FAM83F: variants seen among roughly 807,000 people sequenced by gnomAD.
FAM83F encodes the protein scaffolding CK1 anchoring protein F.
In FAM83F, 45 loss-of-function variants were observed where a neutral mutation model predicts 42.9. The observed-to-expected ratio is 1.05, with a 90% CI of 0.83 to 1.35. FAM83F has a LOEUF of 1.35. Ranked by LOEUF, FAM83F falls within the 40% of genes most tolerant of loss-of-function variation. FAM83F has a pLI of 0.00. For missense variants in FAM83F, 617 were observed against 695.9 expected (o/e 0.89, Z 1.28); for synonymous variants, 306 against 298.3 (o/e 1.03, Z -0.27).
In FAM83F at chr22:40,023,369, C is replaced by G. The variant is rs755404; in HGVS notation, c.1453+1406C>G. Among the ~76,000 whole-genome samples the G allele has an allele frequency of 3.3e-4, 24 of 72,824 alleles. No homozygotes were observed. The highest frequency in any genetic ancestry group is 1.1e-3 in the African/African-American group (16 of 14,808). The allele number at this position is 72,824 out of a possible 152,430, so 47.8% of individuals were successfully genotyped here. On this transcript the variant is annotated intron_variant, in intron 4 of 4. Coordinates refer to ENST00000333407, the MANE Select transcript of FAM83F (RefSeq NM_138435.4). This position sits in a 1 kb window ranked among gnomAD's most constrained non-coding sequence, Gnocchi z 4.1. ...ACCAGCTGCTGCTGCTGCTGCTGCT[C>G]CTGCTCTGTACCTCTGGTTTGGAGG...
At position 40,021,391 on chromosome 22, in the gene FAM83F, T is replaced by C. The variant is rs772881620; in HGVS notation, c.881T>C (p.Ile294Thr). 3.3e-5 allele frequency: 53 copies of C among 1,613,444 alleles called. No homozygotes were observed. Among genetic ancestry groups the C allele is most frequent in the Non-Finnish European group, 4.2e-5 (50 of 1,179,640 alleles). ...FDTEFRELYA[I>T]SEEVDLYRQL... The stretch of plus-strand genomic sequence containing the variant: ...ACGGAGTTCCGGGAGCTGTACGCCA[T>C]CTCCGAGGAGGTGGACTTGTACCGG... Residue 294 changes from isoleucine (I) to threonine (T), a missense_variant, in exon 4 of 5, where the codon ATC becomes ACC. Physicochemically the swap from Ile to Thr is moderately conservative, Grantham distance 89. Coordinates refer to ENST00000333407, the MANE Select transcript of FAM83F (RefSeq NM_138435.4). This position sits in a 1 kb window ranked among gnomAD's most constrained non-coding sequence, Gnocchi z 8.7.
chr22:40,001,899 C>T (rs573035303), intron 1 of FAM83F, among the ~76,000 whole-genome samples: 21 of 152,266 alleles, frequency 1.4e-4, no homozygotes, highest in Admixed American at 2.6e-4. Context: ...GACCCTGTGC[C>T]GGCGTGTTTC....
chr22:40,020,051 T>C, intron 3 of FAM83F, 43 bp downstream of exon 3: 1 of 1,578,080 alleles, frequency 6.3e-7, no homozygotes, highest in Non-Finnish European at 8.6e-7. Flanking sequence ...AGGCCTTGAT[T>C]CCAGGTAGGT....
chr22:40,012,425 G>A (rs2067470520), intron 1 of FAM83F, among the ~76,000 whole-genome samples: 1 of 152,082 alleles, frequency 6.6e-6, no homozygotes, highest in Admixed American at 6.5e-5. Flanking sequence ...GTGAGCCACT[G>A]CACCCAGCCA....
At position 40,019,258 on chromosome 22, in the gene FAM83F, A is replaced by G. The variant is rs2067506981; in HGVS notation, c.580A>G (p.Ile194Val). The G allele has an allele frequency of 7.4e-6, 12 of 1,614,160 alleles. No homozygotes were observed. Among genetic ancestry groups the G allele is most frequent in the Non-Finnish European group, 9.3e-6 (11 of 1,180,020 alleles). The change falls in exon 2 of 5, where the codon ATC (isoleucine) becomes GTC (valine). Residue 194 changes from isoleucine to valine, a missense_variant. Coordinates refer to ENST00000333407, the MANE Select transcript of FAM83F (RefSeq NM_138435.4). ...CTGTAAGCGCCGGGTCCCAGTGTAC[A>G]TCATCCTGGACGAGGCAGGAGTGAA... ...AACKRRVPVYIILDEAGVKYF... is the reference protein window; with the variant it reads ...AACKRRVPVYVILDEAGVKYF...
Position 40,039,395 on chromosome 22 carries a change from C to T in FAM83F, c.*9830C>T, listed in dbSNP as rs1287561370. On this transcript the variant is annotated 3_prime_UTR_variant, in exon 5 of 5. Transcript: ENST00000333407. ...TGCTGGGAGGATTACAGGCATGAAC[C>T]ACTACGCCTGGCCTGGTATGTGGGT... 6.6e-6 allele frequency: 1 copy of T among 152,224 alleles called. No homozygotes were observed. Among genetic ancestry groups the T allele is most frequent in the Non-Finnish European group, 1.5e-5 (1 of 68,046 alleles). 9.4% of individuals were successfully genotyped at this position (152,224 alleles called of 1,614,324 possible). A position where few individuals can be genotyped will look rare whatever the true frequency, so the allele number is the denominator to read the frequency against.
intron 1 of FAM83F, 77 bp from the exon 2 acceptor site, chr22:40,019,091 G>T: frequency 6.4e-7 from 1 of 1,553,746 alleles, no homozygotes; most frequent in South Asian, 1.2e-5. Context: ...CCAGGGCGAG[G>T]TGGTACCATC....
rs1329857875 is a variant in FAM83F, at chr22:40,043,003, T to C, written c.*13438T>C. On this transcript the variant is annotated 3_prime_UTR_variant, in exon 5 of 5. Transcript: ENST00000333407. ...CGTTCTTACAACCTATATTAGAATT[T>C]GACGCACGATCTTTCTTCTGTCCTT... is the stretch of plus-strand genomic sequence containing the variant. The C allele has an allele frequency of 6.6e-6, 1 of 152,240 alleles. No individual in the cohort carries two copies. The highest frequency in any genetic ancestry group is 2.4e-5 in the African/African-American group (1 of 41,464). 9.4% of individuals were successfully genotyped at this position (152,240 alleles called of 1,614,324 possible). A position where few individuals can be genotyped will look rare whatever the true frequency, so the allele number is the denominator to read the frequency against.
intron 4 of FAM83F, among the ~76,000 whole-genome samples, chr22:40,028,891 G>A (rs1022886516): frequency 1.3e-5 from 2 of 152,224 alleles, no homozygotes; most frequent in African/African-American, 4.8e-5. Context: ...GGCCTGTGGC[G>A]GAAGGAGCTG....
At chr22:40,028,144 T>C (rs2067565277) in intron 4 of FAM83F, among the ~76,000 whole-genome samples, 1 of 152,206 alleles carries the variant, frequency 6.6e-6, no homozygotes, top group African/African-American at 2.4e-5. Flanking sequence ...CATGGAGCCC[T>C]TGGGGCGCAG....
rs1288305366 is a variant in FAM83F at position 40,021,435 on chromosome 22, AG to A, written c.928del (p.Val310LeufsTer31). On this transcript the variant is annotated frameshift_variant, in exon 4 of 5. Coordinates refer to ENST00000333407, the MANE Select transcript of FAM83F (RefSeq NM_138435.4). LOFTEE classifies it high-confidence loss of function. This position sits in a 1 kb window ranked among gnomAD's most constrained non-coding sequence, Gnocchi z 8.7. ...DLYRQLSLAGRVGLHYSSTVA... is the reference protein window; with the variant it reads ...DLYRQLSLAGXVGLHYSSTVA... The stretch of plus-strand genomic sequence containing the variant: ...GTACCGGCAGCTGAGCCTGGCGGGC[AG>A]GGTTGGCCTCCATTACTCCTCCACT... The A allele has an allele frequency of 6.2e-7, 1 of 1,613,440 alleles. No individual in the cohort carries two copies. Among genetic ancestry groups the A allele is most frequent in the South Asian group, 1.1e-5 (1 of 91,028 alleles).
chr22:39,997,546 G>A (rs1195822137), intron 1 of FAM83F, among the ~76,000 whole-genome samples: 1 of 152,170 alleles, frequency 6.6e-6, no homozygotes, highest in Non-Finnish European at 1.5e-5. Flanking sequence ...ACAAATGCTA[G>A]GGCTCTGCTG....
Position 40,029,682 on chromosome 22 carries a change from C to A in FAM83F, c.*117C>A. The A allele has an allele frequency of 6.9e-7, 1 of 1,441,824 alleles. No individual in the cohort carries two copies. Among genetic ancestry groups the A allele is most frequent in the Non-Finnish European group, 9.3e-7 (1 of 1,071,746 alleles). The allele number at this position is 1,441,824 out of a possible 1,614,324, so 89.3% of individuals were successfully genotyped here. ...ACATCAGACGCCAACTGGCCTTCTG[C>A]CCTGCAGCCTCCGTCCTGGCCTCAG... On this transcript the variant is annotated 3_prime_UTR_variant, in exon 5 of 5. Transcript: ENST00000333407.
chr22:39,999,463 A>G (rs2145706519), intron 1 of FAM83F, among the ~76,000 whole-genome samples: 1 of 152,358 alleles, frequency 6.6e-6, no homozygotes, highest in East Asian at 1.9e-4. Context: ...GCTCACACCC[A>G]GATGAACCAT....
Position 40,035,221 on chromosome 22 carries a change from T to C in FAM83F, c.*5656T>C, listed in dbSNP as rs1398506912. The C allele has an allele frequency of 2.3e-4, 35 of 152,202 alleles. No individual in the cohort carries two copies. The highest frequency in any genetic ancestry group is 2.3e-3 in the Admixed American group (35 of 15,280). 9.4% of individuals were successfully genotyped at this position (152,202 alleles called of 1,614,324 possible). A position where few individuals can be genotyped will look rare whatever the true frequency, so the allele number is the denominator to read the frequency against. On this transcript the variant is annotated 3_prime_UTR_variant, in exon 5 of 5. Transcript: ENST00000333407. ...ACTGAAAAGCAGCTTTAGGAGCAGA[T>C]GTCCACGTAATAGAAGGAGATGGGC...
At chr22:40,005,793 C>A (rs1442069436) in intron 1 of FAM83F, among the ~76,000 whole-genome samples, 1 of 152,102 alleles carries the variant, frequency 6.6e-6, no homozygotes, top group African/African-American at 2.4e-5. Flanking sequence ...TCTGCTGCTG[C>A]CAGTGTAGGG....
In FAM83F at chr22:40,039,472, C is replaced by G. The variant is rs959963038; in HGVS notation, c.*9907C>G. ...TAGGTGGAGAATAACAAATCCGATT[C>G]AATATATTCATTTTAGAAACGAGGA... is the stretch of plus-strand genomic sequence containing the variant. On this transcript the variant is annotated 3_prime_UTR_variant, in exon 5 of 5. Coordinates refer to ENST00000333407, the MANE Select transcript of FAM83F (RefSeq NM_138435.4). 2 of 152,104 alleles carry G rather than the reference C, an allele frequency of 1.3e-5. No homozygotes were observed. Among genetic ancestry groups the G allele is most frequent in the Non-Finnish European group, 2.9e-5 (2 of 68,020 alleles). 9.4% of individuals were successfully genotyped at this position (152,104 alleles called of 1,614,324 possible).
In FAM83F at chr22:39,995,846, C is replaced by T. The variant is rs1169209645; in HGVS notation, c.489+315C>T. Among the ~76,000 whole-genome samples, 1 of 152,190 alleles carries T rather than the reference C, an allele frequency of 6.6e-6. No homozygotes were observed. Among genetic ancestry groups the T allele is most frequent in the Admixed American group, 6.5e-5 (1 of 15,280 alleles). On this transcript the variant is annotated intron_variant, in intron 1 of 4. Transcript: ENST00000333407. The surrounding 1 kb of genome is among the most constrained non-coding windows in gnomAD (Gnocchi z 4.6). ...CCCAGGGAAGACTGGGGGCCGAGGC[C>T]CTGTGGTTAAAATGCACCACTCAAA...
In FAM83F at chr22:40,035,570, C is replaced by T. The variant is rs150096795; in HGVS notation, c.*6005C>T. 726 of 152,260 alleles carry T rather than the reference C, an allele frequency of 4.8e-3. 6 individuals are homozygous for T. Among genetic ancestry groups the T allele is most frequent in the Middle Eastern group, 0.01 (3 of 294 alleles). 9.4% of individuals were successfully genotyped at this position (152,260 alleles called of 1,614,324 possible). A position where few individuals can be genotyped will look rare whatever the true frequency, so the allele number is the denominator to read the frequency against. On this transcript the variant is annotated 3_prime_UTR_variant, in exon 5 of 5. Transcript: ENST00000333407. ...GCCCGGCCTGGGGATCCATGGTGAG[C>T]GAGGAAGGCATGGTATTGAAGTGGT...
Sources: gnomAD v4.1 joint callset for allele counts (sites outside exome capture counted in the v4.1 genomes callset) on GRCh38, gnomAD v4.1.1 for gene constraint, Gnocchi (gnomAD v3.1) non-coding constraint, MANE v1.5 for transcripts, NCBI Gene and HGNC (gene_info 2026-07-23, HGNC 2026-07-21) for gene names.